SHQ1: variants seen among roughly 807,000 people sequenced by gnomAD.
The protein encoded by SHQ1 is SHQ1, H/ACA ribonucleoprotein assembly factor.
SHQ1 carries 49 observed loss-of-function variants against 53.8 expected under a neutral mutation model. That is an observed-to-expected ratio of 0.91 (90% confidence interval 0.72 to 1.16). The LOEUF (loss-of-function observed/expected upper bound fraction) is 1.16, where lower values mean the gene tolerates loss of function less well. Among genes scored for constraint, SHQ1 ranks in the 50% most tolerant of loss-of-function variants. The pLI is 0.00. For synonymous variants in SHQ1, 243 were observed against 251.0 expected (o/e 0.97, Z 0.30); for missense variants, 738 against 683.1 (o/e 1.08, Z -0.90).
the SHQ1 span, among the ~76,000 whole-genome samples, chr3:72,732,371 TGCC>T: frequency 5.2e-3 from 683 of 131,156 alleles, 1 homozygote; most frequent in African/African-American, 0.018. Flanking sequence ...CCTGCCTGCC[TGCC>T]TGCCTGCCTG....
At chr3:72,782,435 CT>C (rs947713368) in intron 10 of SHQ1, among the ~76,000 whole-genome samples, 1 of 152,144 alleles carries the variant, frequency 6.6e-6, no homozygotes, top group African/African-American at 2.4e-5. Context: ...CAAGAAGGTC[CT>C]TTTCCAACAC....
chr3:72,824,744 AAAGT>A (rs1186806118), intron 5 of SHQ1, among the ~76,000 whole-genome samples, 193 bp from the exon 6 acceptor site: 4 of 152,114 alleles, frequency 2.6e-5, no homozygotes, highest in Admixed American at 1.3e-4. Context: ...CCATAAAACA[AAAGT>A]AAGTATCTGC....
intron 10 of SHQ1, among the ~76,000 whole-genome samples, chr3:72,759,489 G>A (rs915946916): frequency 1.3e-5 from 2 of 152,070 alleles, no homozygotes; most frequent in African/African-American, 4.8e-5. Flanking sequence ...TCAGGAGTTC[G>A]AGACCAGCCT....
chr3:72,801,753 T>TCCC (rs1706796377), intron 9 of SHQ1, among the ~76,000 whole-genome samples: 1 of 152,226 alleles, frequency 6.6e-6, no homozygotes. Flanking sequence ...TATAATTTAG[T>TCCC]AAAGCTGATT....
rs752545682 is a variant in SHQ1, at chr3:72,749,513, T to C, written c.*771A>G. 4 of 218,460 alleles carry C rather than the reference T, an allele frequency of 1.8e-5. No homozygotes were observed. The highest frequency in any genetic ancestry group is 6.7e-5 in the African/African-American group (3 of 44,492). The allele number at this position is 218,460 out of a possible 1,614,324, so 13.5% of individuals were successfully genotyped here. On this transcript the variant is annotated 3_prime_UTR_variant, in exon 11 of 11. Transcript: ENST00000325599. ...TACATATTGTATGATTCAATTTACATAGAATTCTAGGACATGCAAACTAAT... is the reference window on the plus strand; with the variant it reads ...TACATATTGTATGATTCAATTTACACAGAATTCTAGGACATGCAAACTAAT...
chr3:72,768,470 T>G (rs1316311), intron 10 of SHQ1, among the ~76,000 whole-genome samples: 4,547 of 152,272 alleles, frequency 0.03, 118 homozygotes, highest in South Asian at 0.046. Context: ...ATATCCCTAG[T>G]CGAAAGCAAC....
At chr3:72,822,872 G>T (rs1031029529) in intron 6 of SHQ1, among the ~76,000 whole-genome samples, 2 of 152,136 alleles carry the variant, frequency 1.3e-5, no homozygotes, top group Admixed American at 6.5e-5. Context: ...ACTATAGGCC[G>T]GGCGCGGGAG....
At position 72,848,443 on chromosome 3, in the gene SHQ1, G is replaced by A. The variant is rs1308772859; in HGVS notation, c.-103C>T. On this transcript the variant is annotated 5_prime_UTR_variant, in exon 1 of 11. Coordinates refer to ENST00000325599, the MANE Select transcript of SHQ1 (RefSeq NM_018130.3). Reference sequence around the variant, plus strand: ...CCACGCGCAGGAACTCTCGGTGTGAGGGACGGAGCTTCCGGCTCGAGGCGG... The same window carrying A: ...CCACGCGCAGGAACTCTCGGTGTGAAGGACGGAGCTTCCGGCTCGAGGCGG... The A allele has an allele frequency of 9.2e-6, 14 of 1,517,586 alleles. No homozygotes were observed. The highest frequency in any genetic ancestry group is 1.2e-5 in the Non-Finnish European group (14 of 1,138,080). The allele number at this position is 1,517,586 out of a possible 1,614,324, so 94.0% of individuals were successfully genotyped here.
intron 10 of SHQ1, chr3:72,772,882 GA>G: frequency 1.3e-6 from 1 of 784,800 alleles, no homozygotes; most frequent in Non-Finnish European, 2.3e-6. Context: ...GGACAAATCT[GA>G]ATTGGAAGCA....
intron 10 of SHQ1, among the ~76,000 whole-genome samples, chr3:72,765,427 CA>C (rs1174490055): frequency 3.0e-4 from 38 of 124,768 alleles, no homozygotes; most frequent in African/African-American, 1.3e-3. Flanking sequence ...TTCACTGATT[CA>C]TTTTTTTTTT....
At position 72,817,397 on chromosome 3, in the gene SHQ1, G is replaced by A. The variant is rs777645946; in HGVS notation, c.728-13C>T. 2.5e-5 allele frequency: 39 copies of A among 1,590,918 alleles called. No individual in the cohort carries two copies. The highest frequency in any genetic ancestry group is 1.7e-4 in the Middle Eastern group (1 of 5,994). On this transcript the variant is annotated splice_polypyrimidine_tract_variant and intron_variant, in intron 6 of 10. Transcript: ENST00000325599. ...TCAGAAAAAGACACTAGAAGAAAAC[G>A]CATTTAAAAACTAGATGTTTCATTC...
At chr3:72,804,495 C>T (rs933760932) in intron 9 of SHQ1, among the ~76,000 whole-genome samples, 25 of 141,482 alleles carry the variant, frequency 1.8e-4, no homozygotes, top group Admixed American at 1.6e-3. Flanking sequence ...ATCATAAATA[C>T]TTACATTTTG....
At chr3:72,759,497 C>T (rs1437110511) in intron 10 of SHQ1, among the ~76,000 whole-genome samples, 4 of 152,060 alleles carry the variant, frequency 2.6e-5, no homozygotes, top group African/African-American at 9.7e-5. Context: ...TCGAGACCAG[C>T]CTGGCCAACA....
intron 1 of SHQ1, among the ~76,000 whole-genome samples, chr3:72,845,084 A>G (rs894798692): frequency 6.7e-6 from 1 of 150,042 alleles, no homozygotes; most frequent in South Asian, 2.1e-4. Context: ...CACAAAACCA[A>G]TTGATTTTAT....
chr3:72,730,493 G>A, the SHQ1 span, among the ~76,000 whole-genome samples: 1 of 152,158 alleles, frequency 6.6e-6, no homozygotes, highest in Non-Finnish European at 1.5e-5. Flanking sequence ...ATGTGGGAGA[G>A]GCTTCTAAAA....
rs1172545508 is a variant in SHQ1 at position 72,792,909 on chromosome 3, A to T, written c.1181+7T>A. On this transcript the variant is annotated splice_region_variant and intron_variant, in intron 10 of 10. Transcript: ENST00000325599. ...AAAAATTCGTAAGTAACTCTATGAA[A>T]ACTTACTTGACTTTCTGAATCCACA... 1 of 1,607,876 alleles carries T rather than the reference A, an allele frequency of 6.2e-7. No homozygotes were observed. Among genetic ancestry groups the T allele is most frequent in the South Asian group, 1.1e-5 (1 of 89,170 alleles).
the SHQ1 span, among the ~76,000 whole-genome samples, chr3:72,738,893 C>A: frequency 6.6e-6 from 1 of 152,118 alleles, no homozygotes; most frequent in Non-Finnish European, 1.5e-5. Flanking sequence ...GTGGCCCCAC[C>A]CCGCCCCGCC....
At chr3:72,781,566 T>C (rs189977699) in intron 10 of SHQ1, among the ~76,000 whole-genome samples, 131 of 152,262 alleles carry the variant, frequency 8.6e-4, no homozygotes, top group Admixed American at 1.6e-3. Flanking sequence ...TTACATAAAA[T>C]TACAGAGCAG....
chr3:72,765,557 A>ATATATTTTTTTTTTT (rs1491527508), intron 10 of SHQ1, among the ~76,000 whole-genome samples: 2 of 57,188 alleles, frequency 3.5e-5, no homozygotes, highest in African/African-American at 1.6e-4. Context: ...ATATATATAT[A>ATATATTTTTTTTTTT]TTTTTTTTTT....
Sources: gnomAD v4.1 joint callset for allele counts (sites outside exome capture counted in the v4.1 genomes callset) on GRCh38, gnomAD v4.1.1 for gene constraint, MANE v1.5 for transcripts, NCBI Gene and HGNC (gene_info 2026-07-23, HGNC 2026-07-21) for gene names.